AKAP6: variants seen among roughly 807,000 people sequenced by gnomAD.
AKAP6 encodes A-kinase anchoring protein 6.
AKAP6 carries 58 observed loss-of-function variants against 188.5 expected under a neutral mutation model. The ratio of observed to expected loss-of-function variants is 0.31; its 90% CI spans 0.25 to 0.38. The LOEUF (loss-of-function observed/expected upper bound fraction) is 0.38, where lower values mean the gene tolerates loss of function less well. Ranked by LOEUF, AKAP6 falls within the 10% of genes least tolerant of loss-of-function variation. The pLI is 1.00. For missense variants in AKAP6, 2,710 were observed against 2,740.0 expected, an observed-to-expected ratio of 0.99 and a Z score of 0.24; for synonymous variants, 989 against 998.6, an observed-to-expected ratio of 0.99 and a Z score of 0.18.
chr14:32,684,513 A>G lies in AKAP6; in HGVS notation c.2879+6054A>G, dbSNP rs555738258. 3.2e-4 allele frequency among the ~76,000 whole-genome samples: 49 copies of G among 152,338 alleles called. No individual in the cohort carries two copies. The East Asian group carries it at 5.6e-3, about 17-fold the overall frequency. ...ATATAAGATTGCATTGAGTCTGCTC[A>G]GATTGCTTCCAACTACACAAATAAT... On this transcript the variant is annotated intron_variant, in intron 8 of 13. Transcript: ENST00000280979.
intron 8 of AKAP6, among the ~76,000 whole-genome samples, chr14:32,685,819 G>A (rs1269210055): frequency 6.6e-6 from 1 of 151,910 alleles, no homozygotes; most frequent in African/African-American, 2.4e-5. Context: ...AAAGCAAAGG[G>A]AACCCTCATA....
chr14:32,543,774 G>T (rs560544551), intron 3 of AKAP6, among the ~76,000 whole-genome samples: 85 of 152,242 alleles, frequency 5.6e-4, no homozygotes, highest in African/African-American at 2.0e-3. Flanking sequence ...ACAGACTTTG[G>T]GGACAGCCTC....
rs567496311 is a variant in AKAP6, at chr14:32,551,834, T to A, written c.2346+4835T>A. Among the ~76,000 whole-genome samples, 4 of 137,022 alleles carry A rather than the reference T, an allele frequency of 2.9e-5. No homozygotes were observed. In the East Asian group the frequency reaches 8.0e-4, roughly 27 times the overall value. 89.9% of individuals were successfully genotyped at this position (137,022 alleles called of 152,430 possible). On this transcript the variant is annotated intron_variant, in intron 4 of 13. Transcript: ENST00000280979. ...GCCACCACACCCGGCTAATTTTTTGTATTTTTTTTTTTTAGTAGAGATGGG... is the reference window on the plus strand; with the variant it reads ...GCCACCACACCCGGCTAATTTTTTGAATTTTTTTTTTTTAGTAGAGATGGG...
At chr14:32,524,868 G>GC (rs1882041137) in intron 2 of AKAP6, among the ~76,000 whole-genome samples, 1 of 152,130 alleles carries the variant, frequency 6.6e-6, no homozygotes, top group Admixed American at 6.6e-5. Flanking sequence ...CAGCATGATG[G>GC]CCATCACATG....
chr14:32,687,433 TC>T (rs1566647310), intron 8 of AKAP6, among the ~76,000 whole-genome samples: 39 of 143,372 alleles, frequency 2.7e-4, no homozygotes, highest in African/African-American at 1.0e-3. Context: ...TCTCTCTCTC[TC>T]TCTCTCTTTC....
At chr14:32,715,109 T>C (rs1212021115) in intron 9 of AKAP6, among the ~76,000 whole-genome samples, 1 of 151,996 alleles carries the variant, frequency 6.6e-6, no homozygotes, top group Non-Finnish European at 1.5e-5. Context: ...TTTTCTACCT[T>C]GCAAACTGTA....
intron 7 of AKAP6, among the ~76,000 whole-genome samples, chr14:32,649,131 C>T (rs1447392472): frequency 6.6e-6 from 1 of 152,056 alleles, no homozygotes; most frequent in Non-Finnish European, 1.5e-5. Flanking sequence ...TCTGTCTTCT[C>T]TAAATAAACA....
intron 1 of AKAP6, among the ~76,000 whole-genome samples, chr14:32,423,554 C>A (rs1889925573): frequency 3.3e-5 from 5 of 152,078 alleles, no homozygotes. Context: ...GCAAATACTT[C>A]TATATTGCTG....
At chr14:32,594,539 A>G (rs1399572076) in intron 5 of AKAP6, among the ~76,000 whole-genome samples, 1 of 152,134 alleles carries the variant, frequency 6.6e-6, no homozygotes, top group Non-Finnish European at 1.5e-5. Flanking sequence ...GAGGACTGGT[A>G]CCTCTGCCCA....
At chr14:32,820,189 T>A (rs894468128) in intron 12 of AKAP6, among the ~76,000 whole-genome samples, 7 of 151,968 alleles carry the variant, frequency 4.6e-5, no homozygotes, top group Non-Finnish European at 8.8e-5. Flanking sequence ...AGTGCCATAC[T>A]CATCTGCTTG....
At chr14:32,771,732 T>TTAAGAAATA (rs2032904595) in intron 11 of AKAP6, among the ~76,000 whole-genome samples, 1 of 152,210 alleles carries the variant, frequency 6.6e-6, no homozygotes, top group African/African-American at 2.4e-5. Context: ...TTTTGTTGGC[T>TTAAGAAATA]TAAGAAATAC....
chr14:32,642,604 G>T (rs945591029), intron 7 of AKAP6, among the ~76,000 whole-genome samples: 1 of 152,106 alleles, frequency 6.6e-6, no homozygotes, highest in African/African-American at 2.4e-5. Flanking sequence ...ACAAATTTGA[G>T]CATAGTCTGT....
chr14:32,513,882 G>T (rs1881381019), intron 2 of AKAP6, among the ~76,000 whole-genome samples: 1 of 151,886 alleles, frequency 6.6e-6, no homozygotes, highest in South Asian at 2.1e-4. Context: ...GTAACAATAT[G>T]CCTTGAACAT....
chr14:32,334,028 A>T (rs1358464360), intron 1 of AKAP6, among the ~76,000 whole-genome samples: 1 of 152,162 alleles, frequency 6.6e-6, no homozygotes, highest in East Asian at 1.9e-4. Context: ...TGTGCCTTAC[A>T]GTATTGCTTT....
chr14:32,464,783 T>G (rs1438868940), intron 2 of AKAP6, among the ~76,000 whole-genome samples: 1 of 152,108 alleles, frequency 6.6e-6, no homozygotes, highest in Non-Finnish European at 1.5e-5. Context: ...GGGTATTCAA[T>G]TAGGAAATGA....
intron 2 of AKAP6, among the ~76,000 whole-genome samples, chr14:32,510,438 G>GTATATATATATATACATATATATATTTA (rs1236692640): frequency 1.2e-5 from 1 of 84,458 alleles, no homozygotes; most frequent in Non-Finnish European, 2.5e-5. Context: ...ATATATATGT[G>GTATATATATATATACATATATATATTTA]TATATATATA....
intron 12 of AKAP6, among the ~76,000 whole-genome samples, chr14:32,810,843 G>T (rs2034205802): frequency 6.6e-6 from 1 of 152,152 alleles, no homozygotes; most frequent in Admixed American, 6.5e-5. Flanking sequence ...TTAAGAAAAT[G>T]ACTCATAGCT....
intron 7 of AKAP6, among the ~76,000 whole-genome samples, chr14:32,665,042 T>C (rs1888866072): frequency 6.6e-6 from 1 of 152,136 alleles, no homozygotes; most frequent in Admixed American, 6.6e-5. Flanking sequence ...TAGAGAAAAC[T>C]TGAACTGTGA....
intron 2 of AKAP6, among the ~76,000 whole-genome samples, chr14:32,437,427 A>T (rs1321840721): frequency 6.6e-6 from 1 of 152,216 alleles, no homozygotes; most frequent in Non-Finnish European, 1.5e-5. Context: ...TCATGTCAAT[A>T]CATAACTTTT....
Sources: allele counts gnomAD v4.1 joint callset (sites outside exome capture counted in the v4.1 genomes callset), GRCh38; gene constraint gnomAD v4.1.1; transcripts MANE v1.5; gene names NCBI Gene and HGNC (gene_info 2026-07-23, HGNC 2026-07-21).